PDE1C: variants seen among roughly 807,000 people sequenced by gnomAD.
PDE1C encodes phosphodiesterase 1C, also known as dual specificity calcium/calmodulin-dependent 3',5'-cyclic nucleotide phosphodiesterase 1C.
Under a neutral mutation model 93.1 loss-of-function variants are expected in PDE1C, and 62 were observed. The ratio of observed to expected loss-of-function variants is 0.67; its 90% CI spans 0.54 to 0.82. The LOEUF is 0.82. Ranked by LOEUF, PDE1C falls within the 40% of genes least tolerant of loss-of-function variation. The pLI is 0.00. For synonymous variants in PDE1C, 325 were observed against 310.1 expected (o/e 1.05, Z -0.50); for missense variants, 742 against 884.6 (o/e 0.84, Z 2.04).
chr7:32,176,298 A>T (rs568402325), intron 2 of PDE1C, among the ~76,000 whole-genome samples: 2 of 152,308 alleles, frequency 1.3e-5, no homozygotes, highest in South Asian at 4.1e-4. Flanking sequence ...AGTGAAAAAA[A>T]AACCGCATGA....
the PDE1C span, chr7:31,708,013 A>C: frequency 6.6e-6 from 1 of 152,236 alleles, no homozygotes; most frequent in Non-Finnish European, 1.5e-5. Context: ...GAGTTGTGTC[A>C]CAAGTGAGTC....
chr7:32,142,151 G>A (rs990812106), intron 3 of PDE1C, among the ~76,000 whole-genome samples: 72 of 151,990 alleles, frequency 4.7e-4, no homozygotes, highest in African/African-American at 1.7e-3. Context: ...GAAGGAGAAA[G>A]TGATAGATAA....
intron 3 of PDE1C, among the ~76,000 whole-genome samples, chr7:32,085,227 C>T (rs1584731873): frequency 6.6e-6 from 1 of 150,842 alleles, no homozygotes; most frequent in African/African-American, 2.4e-5. Context: ...ACAAACAACT[C>T]TACGCAAATA....
At chr7:31,972,200 A>G (rs1468156281) in intron 2 of PDE1C, among the ~76,000 whole-genome samples, 1 of 152,236 alleles carries the variant, frequency 6.6e-6, no homozygotes, top group Non-Finnish European at 1.5e-5. Flanking sequence ...TTAAATAACC[A>G]TTCTTAAAAG....
intron 2 of PDE1C, among the ~76,000 whole-genome samples, chr7:31,969,729 C>T (rs1207758362): frequency 6.6e-6 from 1 of 152,154 alleles, no homozygotes; most frequent in African/African-American, 2.4e-5. Flanking sequence ...ATAGCAAAGA[C>T]TTGGAACCAA....
At chr7:32,130,938 TACTA>T (rs982610675) in intron 3 of PDE1C, among the ~76,000 whole-genome samples, 2 of 152,032 alleles carry the variant, frequency 1.3e-5, no homozygotes, top group African/African-American at 4.8e-5. Context: ...ACATACTTAT[TACTA>T]ACTTTTACTG....
chr7:31,646,631 C>G, the PDE1C span, among the ~76,000 whole-genome samples: 1 of 152,190 alleles, frequency 6.6e-6, no homozygotes, highest in African/African-American at 2.4e-5. Flanking sequence ...ATGAGTAGCC[C>G]CAGCTGTGTG....
chr7:31,855,180 C>G (rs1272578261), intron 7 of PDE1C, among the ~76,000 whole-genome samples: 3 of 151,724 alleles, frequency 2.0e-5, no homozygotes, highest in African/African-American at 7.3e-5. Flanking sequence ...AGGCTGACAT[C>G]AAGGTTGGGA....
intron 8 of PDE1C, 54 bp downstream of exon 8, chr7:31,850,587 A>G: frequency 1.7e-6 from 2 of 1,196,954 alleles, no homozygotes; most frequent in South Asian, 2.4e-5. Flanking sequence ...CTGATTTCTA[A>G]AACTGTCTCT....
intron 2 of PDE1C, among the ~76,000 whole-genome samples, chr7:31,991,777 A>G (rs1784170378): frequency 6.6e-6 from 1 of 152,228 alleles, no homozygotes; most frequent in Non-Finnish European, 1.5e-5. Context: ...TAGTAAATAC[A>G]TGGCCTAGTG....
rs1425461868 is a variant in PDE1C at position 31,850,701 on chromosome 7, GAGA to G, written c.788_790del (p.Phe263del). The G allele has an allele frequency of 1.2e-6, 2 of 1,613,438 alleles. No individual in the cohort carries two copies. Among genetic ancestry groups the G allele is most frequent in the South Asian group, 1.1e-5 (1 of 91,064 alleles). On this transcript the variant is annotated inframe_deletion, in exon 8 of 18. Transcript: ENST00000396191. ...ATGCTCGTAGTCATGGATGGCAGCT[GAGA>G]AGATTATAGCAAAGATCTCCAGCTC...
At chr7:32,095,754 G>T (rs1179668886) in intron 3 of PDE1C, among the ~76,000 whole-genome samples, 1 of 152,084 alleles carries the variant, frequency 6.6e-6, no homozygotes, top group Non-Finnish European at 1.5e-5. Context: ...TGAGAAACAG[G>T]GTGCCTCACA....
chr7:31,991,545 G>C (rs1784140445), intron 2 of PDE1C, among the ~76,000 whole-genome samples: 1 of 152,192 alleles, frequency 6.6e-6, no homozygotes, highest in Non-Finnish European at 1.5e-5. Flanking sequence ...GCACTGTGAG[G>C]ATGAAGTAAA....
chr7:32,400,425 A>G (rs1313855746), intron 1 of PDE1C, among the ~76,000 whole-genome samples: 1 of 151,326 alleles, frequency 6.6e-6, no homozygotes, highest in Non-Finnish European at 1.5e-5. Context: ...AAAAAAAAGA[A>G]AAAAGAAAAT....
the PDE1C span, among the ~76,000 whole-genome samples, chr7:31,667,034 T>C: frequency 6.6e-6 from 1 of 151,958 alleles, no homozygotes; most frequent in South Asian, 2.1e-4. Context: ...ATAGGAGACA[T>C]GAAGTCGGGA....
At chr7:32,198,840 G>T (rs765458252) in intron 2 of PDE1C, among the ~76,000 whole-genome samples, 1 of 152,162 alleles carries the variant, frequency 6.6e-6, no homozygotes, top group Non-Finnish European at 1.5e-5. Context: ...AAACTCAGCC[G>T]GGCGCAGTGG....
intron 3 of PDE1C, among the ~76,000 whole-genome samples, chr7:32,153,905 T>A (rs1801412473): frequency 1.3e-5 from 2 of 152,150 alleles, no homozygotes; most frequent in South Asian, 4.1e-4. Context: ...AACACACACA[T>A]CAAAAGGTTG....
At chr7:31,853,654 T>C (rs1793621867) in intron 7 of PDE1C, among the ~76,000 whole-genome samples, 1 of 151,138 alleles carries the variant, frequency 6.6e-6, no homozygotes, top group African/African-American at 2.4e-5. Context: ...GAAGGATATT[T>C]GGACAGGAGG....
chr7:31,925,959 T>A (rs1311057252), intron 2 of PDE1C, among the ~76,000 whole-genome samples: 1 of 152,164 alleles, frequency 6.6e-6, no homozygotes, highest in Non-Finnish European at 1.5e-5. Context: ...GTCCCGTTTT[T>A]AATCCCTTTC....
Sources: gnomAD v4.1 joint callset for allele counts (sites outside exome capture counted in the v4.1 genomes callset) on GRCh38, gnomAD v4.1.1 for gene constraint, MANE v1.5 for transcripts, NCBI Gene and HGNC (gene_info 2026-07-23, HGNC 2026-07-21) for gene names.